The following RPH3A variants were observed in gnomAD, a reference collection of about 807,000 sequenced individuals.
RPH3A encodes the protein rabphilin-3A.
A neutral mutation model predicts 102.2 loss-of-function variants in RPH3A; 48 were observed. The ratio of observed to expected loss-of-function variants is 0.47; its 90% CI spans 0.37 to 0.60. The LOEUF (loss-of-function observed/expected upper bound fraction) is 0.60. Among genes scored for constraint, RPH3A ranks in the 20% least tolerant of loss-of-function variants. The pLI is 0.00. For missense variants in RPH3A, 781 were observed against 910.1 expected (o/e 0.86, Z 1.83); for synonymous variants, 310 against 324.3 (o/e 0.96, Z 0.47).
At position 112,586,950 on chromosome 12, in the gene RPH3A, T is replaced by C. The variant is rs2039443872; in HGVS notation, c.-140+11631T>C. Among the ~76,000 whole-genome samples the C allele has an allele frequency of 2.0e-5, 3 of 152,208 alleles. No individual in the cohort carries two copies. In the South Asian group the frequency reaches 6.2e-4, roughly 32 times the overall value. On this transcript the variant is annotated intron_variant, in intron 1 of 21. Coordinates refer to the RPH3A transcript ENST00000543106. ...TATGGAGCTGCAGTAGGGTATAGTG[T>C]GAAATTATTTTGGCCACTTGCTAGT...
rs1566255170 is a variant in RPH3A, at chr12:112,678,283, A to AGAG, written c.-140+102964_-140+102965insGAG. ...AAAGAAAGAAAGAAAGAAAGAAAGAAAGAAAGAAAGAAAGAAAGAAAGAGA... is the reference window on the plus strand; with the variant it reads ...AAAGAAAGAAAGAAAGAAAGAAAGAAGAGAGAAAGAAAGAAAGAAAGAAAGAGA... On this transcript the variant is annotated intron_variant, in intron 1 of 21. Coordinates refer to the RPH3A transcript ENST00000543106. Among the ~76,000 whole-genome samples, 11 of 46,882 alleles carry AGAG rather than the reference A, an allele frequency of 2.3e-4. 1 individual carries two copies. Among genetic ancestry groups the AGAG allele is most frequent in the African/African-American group, 1.4e-3 (10 of 7,298 alleles). 30.8% of individuals were successfully genotyped at this position (46,882 alleles called of 152,430 possible). A position where few individuals can be genotyped will look rare whatever the true frequency, so the allele number is the denominator to read the frequency against.
intron 1 of RPH3A, among the ~76,000 whole-genome samples, chr12:112,634,765 A>G (rs1041614040): frequency 6.6e-5 from 10 of 152,170 alleles, no homozygotes; most frequent in Non-Finnish European, 1.3e-4. Flanking sequence ...CCTCTTTTCC[A>G]TCTTTTTCAA....
intron 1 of RPH3A, among the ~76,000 whole-genome samples, chr12:112,688,342 C>G (rs2040282229): frequency 6.6e-6 from 1 of 152,094 alleles, no homozygotes; most frequent in African/African-American, 2.4e-5. Flanking sequence ...ATTAGAGATG[C>G]TGTATTCTAG....
chr12:112,835,052 G>C (rs2042025917), intron 3 of RPH3A, among the ~76,000 whole-genome samples: 1 of 152,018 alleles, frequency 6.6e-6, no homozygotes, highest in South Asian at 2.1e-4. Context: ...ATTTTTCTAG[G>C]ATCTAATTTT....
intron 1 of RPH3A, among the ~76,000 whole-genome samples, chr12:112,614,690 A>G (rs982803809): frequency 7.7e-5 from 8 of 103,882 alleles, no homozygotes; most frequent in Non-Finnish European, 1.5e-4. Flanking sequence ...CCCTGCCTCA[A>G]AAAAAAAAAA....
chr12:112,858,379 A>G (rs2136207255), intron 5 of RPH3A, among the ~76,000 whole-genome samples: 1 of 151,198 alleles, frequency 6.6e-6, no homozygotes, highest in South Asian at 2.1e-4. Context: ...CAGTCCCATC[A>G]GTCTTCAATA....
chr12:112,690,919 G>C (rs1037704786), intron 1 of RPH3A, among the ~76,000 whole-genome samples: 8 of 152,104 alleles, frequency 5.3e-5, no homozygotes, highest in African/African-American at 1.9e-4. Context: ...GGAAAGGAGA[G>C]GGTAATTGTA....
At chr12:112,815,579 T>C (rs1373908199) in intron 2 of RPH3A, among the ~76,000 whole-genome samples, 1 of 152,228 alleles carries the variant, frequency 6.6e-6, no homozygotes, top group African/African-American at 2.4e-5. Flanking sequence ...ATTTTGTCTC[T>C]GAGGCAGAGG....
At chr12:112,822,423 G>T (rs1473045186) in intron 2 of RPH3A, among the ~76,000 whole-genome samples, 1 of 152,208 alleles carries the variant, frequency 6.6e-6, no homozygotes, top group Non-Finnish European at 1.5e-5. Flanking sequence ...AACTAAATAG[G>T]CTTTGCGTTG....
At chr12:112,763,590 T>C (rs1300773378) in intron 1 of RPH3A, among the ~76,000 whole-genome samples, 2 of 152,216 alleles carry the variant, frequency 1.3e-5, no homozygotes, top group Admixed American at 6.5e-5. Context: ...GGTTAAGATA[T>C]AGGATTGTGG....
chr12:112,724,369 T>C (rs1455122450), intron 1 of RPH3A, among the ~76,000 whole-genome samples: 5 of 152,104 alleles, frequency 3.3e-5, no homozygotes, highest in Middle Eastern at 3.4e-3. Context: ...CTGGCCAATA[T>C]TTTTTTAATA....
At position 112,745,150 on chromosome 12, in the gene RPH3A, G is replaced by A. The variant is rs186973647; in HGVS notation, c.-139-46993G>A. On this transcript the variant is annotated intron_variant, in intron 1 of 21. Transcript: ENST00000543106. ...TTTGACGCTTCCAGGCCTTCAGTGT[G>A]AGCTTTCCTGATGCTTCTGTGTGTT... is the stretch of plus-strand genomic sequence containing the variant. Among the ~76,000 whole-genome samples, 3 of 152,248 alleles carry A rather than the reference G, an allele frequency of 2.0e-5. No homozygotes were observed. In the East Asian group the frequency reaches 5.8e-4, roughly 29 times the overall value.
intron 1 of RPH3A, among the ~76,000 whole-genome samples, chr12:112,752,895 C>T (rs891656583): frequency 6.6e-6 from 1 of 151,540 alleles, no homozygotes; most frequent in Non-Finnish European, 1.5e-5. Flanking sequence ...GTACAGGTTC[C>T]CATCATTGAG....
At chr12:112,889,566 T>G (rs1028497037) in intron 17 of RPH3A, among the ~76,000 whole-genome samples, 3 of 152,208 alleles carry the variant, frequency 2.0e-5, no homozygotes, top group Non-Finnish European at 2.9e-5. Context: ...TAACCAATGG[T>G]TTTCTAACTC....
intron 1 of RPH3A, among the ~76,000 whole-genome samples, chr12:112,675,402 G>A (rs2040167574): frequency 6.6e-6 from 1 of 152,138 alleles, no homozygotes; most frequent in African/African-American, 2.4e-5. Context: ...AACATTAATG[G>A]AACCATTAAC....
At chr12:112,644,586 C>T (rs1455436604) in intron 1 of RPH3A, among the ~76,000 whole-genome samples, 1 of 152,236 alleles carries the variant, frequency 6.6e-6, no homozygotes, top group East Asian at 1.9e-4. Context: ...CAACACCATC[C>T]ATCTCTGCTA....
intron 1 of RPH3A, among the ~76,000 whole-genome samples, chr12:112,616,335 C>T (rs747272943): frequency 2.0e-5 from 3 of 151,974 alleles, no homozygotes; most frequent in Non-Finnish European, 2.9e-5. Flanking sequence ...TTAGTAGAGA[C>T]GGGGTTTTGC....
chr12:112,792,696 G>A (rs1053612490), intron 2 of RPH3A, among the ~76,000 whole-genome samples: 1 of 152,154 alleles, frequency 6.6e-6, no homozygotes, highest in Non-Finnish European at 1.5e-5. Flanking sequence ...AGACTGGAAG[G>A]GTAACTTTTG....
chr12:112,775,533 A>AT (rs1331319493), intron 1 of RPH3A, among the ~76,000 whole-genome samples: 1 of 152,222 alleles, frequency 6.6e-6, no homozygotes, highest in Non-Finnish European at 1.5e-5. Context: ...AAATTGATTC[A>AT]TTTTAGATTA....
Sources: allele counts gnomAD v4.1 joint callset (sites outside exome capture counted in the v4.1 genomes callset), GRCh38; gene constraint gnomAD v4.1.1; transcripts MANE v1.5; gene names NCBI Gene and HGNC (gene_info 2026-07-23, HGNC 2026-07-21).